The following CFAP96 variants were observed in gnomAD, a reference collection of about 807,000 sequenced individuals.
CFAP96 encodes the protein cilia and flagella associated protein 96.
chr4:185,440,754 A>G, the CFAP96 span: 3 of 986,262 alleles, frequency 3.0e-6, no homozygotes, highest in Non-Finnish European at 4.2e-6. Context: ...AAAATTAAGT[A>G]TTATAAAGAA....
the CFAP96 span, among the ~76,000 whole-genome samples, chr4:185,410,571 C>G: frequency 6.6e-6 from 1 of 152,020 alleles, no homozygotes; most frequent in African/African-American, 2.4e-5. Context: ...TTGCCTGAAC[C>G]AGGGAGGCAG....
At chr4:185,431,336 G>T in the CFAP96 span, among the ~76,000 whole-genome samples, 1 of 151,858 alleles carries the variant, frequency 6.6e-6, no homozygotes, top group Non-Finnish European at 1.5e-5. Flanking sequence ...AGCTCTCCTA[G>T]ATCTAAATTA....
the CFAP96 span, among the ~76,000 whole-genome samples, chr4:185,427,825 C>T: frequency 6.7e-6 from 1 of 149,778 alleles, no homozygotes; most frequent in Non-Finnish European, 1.5e-5. Flanking sequence ...GTGGCCCACT[C>T]CTGTAATCCC....
At chr4:185,440,726 T>G in the CFAP96 span, 3 of 1,211,982 alleles carry the variant, frequency 2.5e-6, no homozygotes, top group Non-Finnish European at 3.2e-6. Flanking sequence ...AAAGGTAAGT[T>G]TACAATTTTA....
the CFAP96 span, among the ~76,000 whole-genome samples, chr4:185,424,336 T>C: frequency 5.9e-5 from 9 of 151,976 alleles, no homozygotes; most frequent in African/African-American, 2.2e-4. Context: ...AACAAAAACA[T>C]GTAAAAGGCA....
At chr4:185,410,957 A>AAG in the CFAP96 span, among the ~76,000 whole-genome samples, 16 of 151,134 alleles carry the variant, frequency 1.1e-4, no homozygotes, top group Admixed American at 4.0e-4. Flanking sequence ...AAAAAAAAAA[A>AAG]AAAGAAAGAA....
chr4:185,426,107 T>C, the CFAP96 span: 2 of 579,666 alleles, frequency 3.5e-6, no homozygotes, highest in Non-Finnish European at 6.2e-6. Context: ...AAGTCTTTTC[T>C]GTCCTACAGA....
the CFAP96 span, among the ~76,000 whole-genome samples, chr4:185,411,301 A>G: frequency 6.6e-6 from 1 of 152,184 alleles, no homozygotes; most frequent in East Asian, 1.9e-4. Flanking sequence ...TGCTACGCCA[A>G]AATTGTTTTA....
chr4:185,410,316 A>G, the CFAP96 span, among the ~76,000 whole-genome samples: 1 of 152,206 alleles, frequency 6.6e-6, no homozygotes, highest in Non-Finnish European at 1.5e-5. Context: ...GATACACTAA[A>G]AGCAGTGCTT....
the CFAP96 span, chr4:185,413,738 C>T: frequency 6.2e-7 from 1 of 1,610,048 alleles, no homozygotes; most frequent in Non-Finnish European, 8.5e-7. Flanking sequence ...TACCAGTCTC[C>T]ATGTTAGGTG....
At chr4:185,441,103 A>AC in the CFAP96 span, among the ~76,000 whole-genome samples, 1 of 152,034 alleles carries the variant, frequency 6.6e-6, no homozygotes, top group Non-Finnish European at 1.5e-5. Context: ...GGCATGTGCT[A>AC]CCATGCCTGG....
the CFAP96 span, chr4:185,418,768 T>A: frequency 6.3e-7 from 1 of 1,585,420 alleles, no homozygotes; most frequent in Non-Finnish European, 8.5e-7. Flanking sequence ...TTGAGAAAAA[T>A]TTCTAAATTA....
the CFAP96 span, chr4:185,418,586 C>T: frequency 6.2e-7 from 1 of 1,612,304 alleles, no homozygotes; most frequent in Non-Finnish European, 8.5e-7. Context: ...AACATACTCA[C>T]TGAATAAAGC....
At chr4:185,444,233 G>A in the CFAP96 span, among the ~76,000 whole-genome samples, 2 of 151,964 alleles carry the variant, frequency 1.3e-5, no homozygotes, top group Non-Finnish European at 2.9e-5. Context: ...GATTACAGGC[G>A]TGAGCCACCG....
At chr4:185,445,522 T>C in the CFAP96 span, 2 of 1,578,498 alleles carry the variant, frequency 1.3e-6, no homozygotes, top group Non-Finnish European at 1.7e-6. Flanking sequence ...TTGAGAGTTC[T>C]GTCTTTAACT....
chr4:185,429,567 T>G, the CFAP96 span: 3 of 974,580 alleles, frequency 3.1e-6, no homozygotes, highest in African/African-American at 5.2e-5. Context: ...TATATAAAAT[T>G]TAGAATTTAA....
the CFAP96 span, chr4:185,425,978 C>A: frequency 7.9e-7 from 1 of 1,265,634 alleles, no homozygotes; most frequent in Non-Finnish European, 1.1e-6. Context: ...GGCGGACCAA[C>A]TACAACTCCC....
the CFAP96 span, among the ~76,000 whole-genome samples, chr4:185,417,541 C>T: frequency 1.3e-5 from 2 of 152,066 alleles, no homozygotes; most frequent in African/African-American, 4.8e-5. Context: ...ATTTCCATAG[C>T]TAGTGGTTTA....
At chr4:185,418,741 C>G in the CFAP96 span, 1 of 1,602,518 alleles carries the variant, frequency 6.2e-7, no homozygotes, top group Non-Finnish European at 8.5e-7. Context: ...TCACTCAACA[C>G]ATGTTTCAGT....
Sources: gnomAD v4.1 joint callset for allele counts (sites outside exome capture counted in the v4.1 genomes callset) on GRCh38, gnomAD v4.1.1 for gene constraint, MANE v1.5 for transcripts, NCBI Gene and HGNC (gene_info 2026-07-23, HGNC 2026-07-21) for gene names.